ARHGAP20: variants seen among roughly 807,000 people sequenced by gnomAD.
ARHGAP20 encodes Rho GTPase activating protein 20, also known as rho GTPase-activating protein 20.
Under a neutral mutation model 73.7 loss-of-function variants are expected in ARHGAP20, and 34 were observed. That is an observed-to-expected ratio of 0.46 (90% confidence interval 0.35 to 0.61). ARHGAP20 has a LOEUF of 0.61. Ranked by LOEUF, ARHGAP20 falls within the 20% of genes least tolerant of loss-of-function variation. ARHGAP20 has a pLI of 0.00. For missense variants in ARHGAP20, 1,314 were observed against 1,420.9 expected, an observed-to-expected ratio of 0.92 and a Z score of 1.21; for synonymous variants, 523 against 518.2, an observed-to-expected ratio of 1.01 and a Z score of -0.13.
intron 2 of ARHGAP20, among the ~76,000 whole-genome samples, chr11:110,639,171 T>C (rs533326129): frequency 6.6e-6 from 1 of 151,984 alleles, no homozygotes; most frequent in Non-Finnish European, 1.5e-5. Context: ...GTGGAACTAG[T>C]TTAGCTGCTT....
intron 2 of ARHGAP20, among the ~76,000 whole-genome samples, chr11:110,648,212 T>A (rs1428731789): frequency 5.8e-5 from 6 of 103,890 alleles, no homozygotes; most frequent in African/African-American, 1.0e-4. Flanking sequence ...TATATGTAAA[T>A]ATATATATGT....
At chr11:110,590,234 T>A (rs1017711302) in intron 11 of ARHGAP20, among the ~76,000 whole-genome samples, 1 of 152,234 alleles carries the variant, frequency 6.6e-6, no homozygotes, top group African/African-American at 2.4e-5. Context: ...ATGGCAAACT[T>A]CTTTAACTGT....
intron 2 of ARHGAP20, among the ~76,000 whole-genome samples, chr11:110,653,573 T>C (rs1949403736): frequency 2.0e-5 from 3 of 151,864 alleles, no homozygotes. Context: ...CAAGAAACAA[T>C]ACATGCTGGT....
chr11:110,648,498 T>G (rs1949277654), intron 2 of ARHGAP20, among the ~76,000 whole-genome samples: 3 of 149,798 alleles, frequency 2.0e-5, no homozygotes. Flanking sequence ...TTTTTTTTTT[T>G]TTTTGAGACA....
intron 9 of ARHGAP20, among the ~76,000 whole-genome samples, chr11:110,596,079 C>G (rs1017427345): frequency 1.3e-5 from 2 of 152,138 alleles, no homozygotes; most frequent in African/African-American, 4.8e-5. Flanking sequence ...GCTGGGAAAA[C>G]TGGCTAGCCA....
chr11:110,619,573 G>T (rs980099871), intron 4 of ARHGAP20, among the ~76,000 whole-genome samples: 17 of 151,512 alleles, frequency 1.1e-4, no homozygotes, highest in Non-Finnish European at 2.1e-4. Flanking sequence ...AGTATATGTA[G>T]TGATAGCGTA....
At position 110,580,532 on chromosome 11, in the gene ARHGAP20, G is replaced by C. The variant is rs757986794; in HGVS notation, c.2414C>G (p.Ser805Cys). The C allele has an allele frequency of 6.2e-7, 1 of 1,614,198 alleles. No individual in the cohort carries two copies. The highest frequency in any genetic ancestry group is 8.5e-7 in the Non-Finnish European group (1 of 1,180,046). Residue 805 changes from serine (S) to cysteine (C), a missense_variant, in exon 15 of 15, where the codon TCT becomes TGT. Physicochemically the swap from Ser to Cys is moderately radical, Grantham distance 112. This residue lies in a region of ARHGAP20 where 641 missense variants were observed against 636.9 expected (regional missense o/e 1.01). Coordinates refer to ENST00000683387, the MANE Select transcript of ARHGAP20 (RefSeq NM_001384657.1). ...ATCCTGTGAGGACATAGGACTATAA[G>C]ATGCCACAGAAATGGCCACTGGCTT... ...KSKPVAISVA[S>C]YSPMSSQDHS... is the part of the protein sequence containing the mutation.
At chr11:110,607,998 C>T (rs1396714) in intron 8 of ARHGAP20, among the ~76,000 whole-genome samples, 52,934 of 151,944 alleles carry the variant, frequency 0.35, 12,274 homozygotes, top group African/African-American at 0.66. Context: ...AAACCTGAAA[C>T]ACAGTCAATT....
intron 11 of ARHGAP20, among the ~76,000 whole-genome samples, chr11:110,586,703 A>G (rs1276062059): frequency 1.4e-4 from 21 of 152,208 alleles, no homozygotes; most frequent in Admixed American, 1.2e-3. Context: ...CAAGGTATCT[A>G]TGAGGTTCAT....
chr11:110,660,415 A>G (rs1032258454), intron 2 of ARHGAP20, among the ~76,000 whole-genome samples: 3 of 152,230 alleles, frequency 2.0e-5, no homozygotes, highest in African/African-American at 7.2e-5. Context: ...ATGGTAAGCC[A>G]TGTGCTGAAA....
chr11:110,700,642 G>A (rs1307195700), intron 1 of ARHGAP20, among the ~76,000 whole-genome samples: 2 of 151,140 alleles, frequency 1.3e-5, no homozygotes, highest in East Asian at 1.9e-4. Context: ...ACAATGTGCA[G>A]GTTAGTTACA....
At chr11:110,704,364 C>A (rs1950515568) in intron 1 of ARHGAP20, among the ~76,000 whole-genome samples, 2 of 152,150 alleles carry the variant, frequency 1.3e-5, no homozygotes, top group African/African-American at 4.8e-5. Flanking sequence ...TTTTCAGAGT[C>A]CACACACAAG....
rs752169652 is a variant in ARHGAP20, at chr11:110,690,553, G to A, written c.182C>T (p.Thr61Ile). 9 of 1,613,706 alleles carry A rather than the reference G, an allele frequency of 5.6e-6. No homozygotes were observed. The highest frequency in any genetic ancestry group is 7.6e-6 in the Non-Finnish European group (9 of 1,179,774). The stretch of plus-strand genomic sequence containing the variant: ...TACAAAGCTTTGCACTTACCTGGTA[G>A]TAGGCCGTTTTTGTAGGGCTTTATC... ...ILDKALQKRP[T>I]TRDSPSASVD... The change falls in exon 2 of 15, where the codon ACT becomes ATT. Residue 61 changes from threonine (T) to isoleucine (I), a missense_variant. Coordinates refer to ENST00000683387, the MANE Select transcript of ARHGAP20 (RefSeq NM_001384657.1).
rs183529251 is a variant in ARHGAP20 at position 110,691,995 on chromosome 11, G to A, written c.106-1366C>T. ...TAAAAATTTTTTGCATGATGTATAT[G>A]TGATGTCTTCCTTCTAGAGAAACAG... On this transcript the variant is annotated intron_variant, in intron 1 of 14. Transcript: ENST00000683387. 1.8e-4 allele frequency among the ~76,000 whole-genome samples: 27 copies of A among 152,286 alleles called. No individual in the cohort carries two copies. The East Asian group carries it at 5.0e-3, about 28-fold the overall frequency.
chr11:110,670,584 A>G (rs1267012192), intron 2 of ARHGAP20, among the ~76,000 whole-genome samples: 1 of 152,056 alleles, frequency 6.6e-6, no homozygotes, highest in Non-Finnish European at 1.5e-5. Flanking sequence ...ATCTTCCCAC[A>G]AACAAAACTC....
chr11:110,578,373 G>A lies in ARHGAP20; in HGVS notation c.*997C>T, dbSNP rs1229345692. 2.0e-6 allele frequency: 2 copies of A among 985,296 alleles called. No homozygotes were observed. Among genetic ancestry groups the A allele is most frequent in the African/African-American group, 1.7e-5 (1 of 57,232 alleles). The allele number at this position is 985,296 out of a possible 1,614,324, so 61.0% of individuals were successfully genotyped here. ...AAACTACAAAAATCAGAAAAGGGAT[G>A]ATTTATAAGTATGTTTTTCTGGCTG... On this transcript the variant is annotated 3_prime_UTR_variant, in exon 15 of 15. Coordinates refer to ENST00000683387, the MANE Select transcript of ARHGAP20 (RefSeq NM_001384657.1).
intron 2 of ARHGAP20, among the ~76,000 whole-genome samples, chr11:110,682,863 G>A (rs182662682): frequency 6.6e-6 from 1 of 152,098 alleles, no homozygotes; most frequent in African/African-American, 2.4e-5. Flanking sequence ...GAGACTCAGA[G>A]ATAAAGTAAT....
chr11:110,596,363 C>CA (rs1174942483), intron 9 of ARHGAP20, among the ~76,000 whole-genome samples: 8 of 149,934 alleles, frequency 5.3e-5, no homozygotes, highest in Non-Finnish European at 8.9e-5. Context: ...AGGCAACCTA[C>CA]AAAATGGGAG....
intron 2 of ARHGAP20, among the ~76,000 whole-genome samples, chr11:110,688,692 T>C (rs1447429121): frequency 6.6e-6 from 1 of 152,184 alleles, no homozygotes; most frequent in Non-Finnish European, 1.5e-5. Context: ...CACTAAAGGA[T>C]ACACTGATGC....
Sources: allele counts gnomAD v4.1 joint callset (sites outside exome capture counted in the v4.1 genomes callset), GRCh38; gene constraint gnomAD v4.1.1; regional missense constraint gnomAD v4.1.1; transcripts MANE v1.5; gene names NCBI Gene and HGNC (gene_info 2026-07-23, HGNC 2026-07-21).